Variants in EPHA6 observed in about 807,000 individuals in gnomAD.
The protein encoded by EPHA6 is EPH receptor A6, also known as ephrin type-A receptor 6.
A neutral mutation model predicts 112.0 loss-of-function variants in EPHA6; 50 were observed. The observed-to-expected ratio is 0.45, with a 90% CI of 0.36 to 0.56. EPHA6 has a LOEUF of 0.56. EPHA6 is among the 20% of genes least tolerant of loss of function. The pLI is 0.00. For missense variants in EPHA6, 1,280 were observed against 1,417.4 expected (o/e 0.90, Z 1.56); for synonymous variants, 529 against 490.7 (o/e 1.08, Z -1.03).
rs1365128945 is a variant in EPHA6, at chr3:97,731,928, C to T, written c.2935-3997C>T. Among the ~76,000 whole-genome samples the T allele has an allele frequency of 2.0e-5, 3 of 151,998 alleles. No individual in the cohort carries two copies. The East Asian group carries it at 5.9e-4, about 30-fold the overall frequency. On this transcript the variant is annotated intron_variant, in intron 15 of 17. Coordinates refer to ENST00000389672, the MANE Select transcript of EPHA6 (RefSeq NM_001080448.3). Reference sequence around the variant, plus strand: ...TTGGCACATCTAATCTCAGCCCAGTCCTGTCAAAACAGTTCACTTCTTGAA... The same window carrying T: ...TTGGCACATCTAATCTCAGCCCAGTTCTGTCAAAACAGTTCACTTCTTGAA...
At chr3:97,092,298 A>G (rs1473005176) in intron 3 of EPHA6, among the ~76,000 whole-genome samples, 1 of 152,030 alleles carries the variant, frequency 6.6e-6, no homozygotes, top group Non-Finnish European at 1.5e-5. Context: ...GATATCATAG[A>G]GAAGGTTGGA....
At chr3:97,177,248 A>T (rs988532999) in intron 3 of EPHA6, among the ~76,000 whole-genome samples, 1 of 151,960 alleles carries the variant, frequency 6.6e-6, no homozygotes, top group Non-Finnish European at 1.5e-5. Flanking sequence ...GATGCTTGAT[A>T]TGATTTCAGT....
intron 11 of EPHA6, among the ~76,000 whole-genome samples, chr3:97,579,116 ACT>A (rs2093414735): frequency 6.6e-6 from 1 of 152,160 alleles, no homozygotes; most frequent in Admixed American, 6.5e-5. Flanking sequence ...TTAAATACAA[ACT>A]CTCTGGCACT....
At chr3:97,726,343 C>G (rs569930450) in intron 15 of EPHA6, among the ~76,000 whole-genome samples, 2 of 152,218 alleles carry the variant, frequency 1.3e-5, no homozygotes, top group South Asian at 4.1e-4. Flanking sequence ...GATCAAAGCA[C>G]ATTTAATTAT....
At chr3:96,846,463 T>G (rs2035080332) in intron 1 of EPHA6, among the ~76,000 whole-genome samples, 1 of 152,026 alleles carries the variant, frequency 6.6e-6, no homozygotes, top group South Asian at 2.1e-4. Flanking sequence ...GAAGGTAATC[T>G]TTATGTTACA....
intron 1 of EPHA6, among the ~76,000 whole-genome samples, chr3:96,842,715 T>C (rs917112455): frequency 2.6e-5 from 4 of 152,056 alleles, no homozygotes. Context: ...TCTTTAATTT[T>C]ATTCAAGATC....
intron 6 of EPHA6, among the ~76,000 whole-genome samples, chr3:97,429,499 T>TC (rs1293203346): frequency 2.6e-5 from 4 of 152,190 alleles, no homozygotes; most frequent in Non-Finnish European, 5.9e-5. Context: ...TATATTTTGT[T>TC]CTTTTTTAAA....
At chr3:97,001,936 T>C (rs925114019) in intron 3 of EPHA6, among the ~76,000 whole-genome samples, 1 of 152,084 alleles carries the variant, frequency 6.6e-6, no homozygotes, top group Non-Finnish European at 1.5e-5. Context: ...TCTTGAAAGA[T>C]GGAAACACTG....
intron 3 of EPHA6, among the ~76,000 whole-genome samples, chr3:97,073,089 T>C (rs2046409255): frequency 1.3e-5 from 2 of 152,160 alleles, no homozygotes; most frequent in African/African-American, 2.4e-5. Flanking sequence ...CCTTTTTATG[T>C]CAAGAGACTG....
At chr3:96,933,339 A>AT (rs2040428633) in intron 2 of EPHA6, among the ~76,000 whole-genome samples, 1 of 152,208 alleles carries the variant, frequency 6.6e-6, no homozygotes, top group Non-Finnish European at 1.5e-5. Context: ...GACTAACAAT[A>AT]TATTTAATTA....
At chr3:96,876,477 G>T (rs1189169527) in intron 2 of EPHA6, among the ~76,000 whole-genome samples, 3 of 149,330 alleles carry the variant, frequency 2.0e-5, no homozygotes, top group Non-Finnish European at 4.4e-5. Flanking sequence ...CCCTTCTTCT[G>T]ACCTTTCCAA....
At chr3:97,675,364 C>T (rs2031267560) in intron 14 of EPHA6, among the ~76,000 whole-genome samples, 1 of 152,054 alleles carries the variant, frequency 6.6e-6, no homozygotes, top group Non-Finnish European at 1.5e-5. Context: ...CCTGTAATCC[C>T]AGCTACTCAG....
Position 97,736,018 on chromosome 3 carries a change from G to A in EPHA6, c.3028G>A (p.Glu1010Lys). Residue 1010 changes from glutamate (E) to lysine (K), a missense_variant, in exon 16 of 18, where the codon GAG becomes AAG. Glu to Lys is a moderately conservative substitution (Grantham distance 56). Transcript: ENST00000389672. ...HQLMLHCWQK[E>K]RNHRPKFTDI... ...GCTGATGCTCCACTGCTGGCAGAAG[G>A]AGAGAAATCACAGACCAAAATTTAC... 1.2e-6 allele frequency: 2 copies of A among 1,612,654 alleles called. No individual in the cohort carries two copies. The highest frequency in any genetic ancestry group is 2.2e-5 in the South Asian group (2 of 91,040).
At chr3:97,160,155 A>G (rs781481131) in intron 3 of EPHA6, among the ~76,000 whole-genome samples, 1 of 152,142 alleles carries the variant, frequency 6.6e-6, no homozygotes. Context: ...GGTAATGACA[A>G]GGTGGCCGGG....
chr3:97,591,420 A>C (rs1289677495), intron 11 of EPHA6, among the ~76,000 whole-genome samples: 3 of 152,220 alleles, frequency 2.0e-5, no homozygotes, highest in African/African-American at 7.2e-5. Flanking sequence ...GTCTCTTCGC[A>C]AACACAGAAC....
chr3:97,543,867 G>A (rs377392177), intron 11 of EPHA6, among the ~76,000 whole-genome samples: 1 of 151,982 alleles, frequency 6.6e-6, no homozygotes, highest in Non-Finnish European at 1.5e-5. Context: ...ATTGTGAATG[G>A]GAGTTCACTC....
intron 2 of EPHA6, among the ~76,000 whole-genome samples, chr3:96,886,061 G>A (rs2037602875): frequency 6.6e-6 from 1 of 152,100 alleles, no homozygotes; most frequent in East Asian, 1.9e-4. Flanking sequence ...TTGATTTCCA[G>A]TTTTATTCCA....
At chr3:97,469,565 G>GA (rs1411000041) in intron 7 of EPHA6, among the ~76,000 whole-genome samples, 3 of 151,612 alleles carry the variant, frequency 2.0e-5, no homozygotes, top group Non-Finnish European at 4.4e-5. Context: ...CCTGAACTAA[G>GA]AAAATACAGT....
At chr3:96,901,908 T>C (rs2107575039) in intron 2 of EPHA6, among the ~76,000 whole-genome samples, 1 of 152,332 alleles carries the variant, frequency 6.6e-6, no homozygotes, top group African/African-American at 2.4e-5. Context: ...ATGTGAGATA[T>C]ATAGTACCAG....
Sources: allele counts gnomAD v4.1 joint callset (sites outside exome capture counted in the v4.1 genomes callset), GRCh38; gene constraint gnomAD v4.1.1; transcripts MANE v1.5; gene names NCBI Gene and HGNC (gene_info 2026-07-23, HGNC 2026-07-21).